Variants in POU2F1 observed in about 807,000 individuals in gnomAD.
POU2F1 encodes POU domain, class 2, transcription factor 1.
In POU2F1, 16 loss-of-function variants were observed where a neutral mutation model predicts 84.9. The observed-to-expected ratio is 0.19, with a 90% CI of 0.13 to 0.29. POU2F1 has a LOEUF of 0.29. Among genes scored for constraint, POU2F1 ranks in the 10% least tolerant of loss-of-function variants. The pLI, the probability that POU2F1 is intolerant of heterozygous loss-of-function variation, is 1.00. For synonymous variants in POU2F1, 368 were observed against 368.3 expected, an observed-to-expected ratio of 1.00 and a Z score of 0.01; for missense variants, 738 against 942.6, an observed-to-expected ratio of 0.78 and a Z score of 2.84.
intron 1 of POU2F1, among the ~76,000 whole-genome samples, chr1:167,253,915 C>T (rs373047337): frequency 1.2e-4 from 18 of 152,192 alleles, no homozygotes; most frequent in African/African-American, 3.6e-4. Context: ...TTTTCTAATA[C>T]AGGTAGGATA....
intron 2 of POU2F1, among the ~76,000 whole-genome samples, chr1:167,351,519 CAAA>C (rs34170498): frequency 6.5e-5 from 3 of 45,986 alleles, no homozygotes; most frequent in African/African-American, 2.1e-4. Flanking sequence ...AGCACCATCT[CAAA>C]AAAAAAAAAA....
intron 7 of POU2F1, among the ~76,000 whole-genome samples, chr1:167,377,189 G>C (rs1156739443): frequency 1.3e-5 from 2 of 152,222 alleles, no homozygotes; most frequent in Non-Finnish European, 2.9e-5. Context: ...TTTGAACCCA[G>C]AAAGATTAGC....
At chr1:167,254,307 G>T (rs1489725484) in intron 1 of POU2F1, among the ~76,000 whole-genome samples, 3 of 152,168 alleles carry the variant, frequency 2.0e-5, no homozygotes, top group Non-Finnish European at 4.4e-5. Context: ...TGTTACTAAT[G>T]TGCTTTAGCT....
intron 1 of POU2F1, among the ~76,000 whole-genome samples, chr1:167,319,220 G>A (rs1348790232): frequency 2.0e-5 from 3 of 152,170 alleles, no homozygotes; most frequent in Non-Finnish European, 4.4e-5. Context: ...TATCCAGATA[G>A]GCTGCTGGTT....
chr1:167,414,810 T>C, intron 15 of POU2F1: 1 of 811,078 alleles, frequency 1.2e-6, no homozygotes, highest in Non-Finnish European at 1.5e-6. Flanking sequence ...CCTTTTAACT[T>C]TATTTGGTGA....
intron 6 of POU2F1, 137 bp downstream of exon 6, chr1:167,374,433 G>A: frequency 2.7e-6 from 2 of 732,528 alleles, no homozygotes; most frequent in Non-Finnish European, 4.3e-6. Context: ...GAGGTAAGCG[G>A]TACCCTTCCT....
chr1:167,337,928 A>G lies in POU2F1; in HGVS notation c.127+5393A>G, dbSNP rs1391743211. 2.2e-5 allele frequency: 8 copies of G among 365,984 alleles called. No individual in the cohort carries two copies. The East Asian group carries it at 3.6e-4, about 17-fold the overall frequency. 22.7% of individuals were successfully genotyped at this position (365,984 alleles called of 1,614,324 possible). A position where few individuals can be genotyped will look rare whatever the true frequency, so the allele number is the denominator to read the frequency against. ...TCGGGTTTATGATCAGGACAGCCCT[A>G]TCTATATCCTATTAAAGACTGCTTT... On this transcript the variant is annotated intron_variant, in intron 2 of 15. Coordinates refer to ENST00000367866, the MANE Select transcript of POU2F1 (RefSeq NM_002697.4).
intron 7 of POU2F1, 149 bp downstream of exon 7, chr1:167,376,304 AGTTTT>A (rs1553217408): frequency 1.8e-6 from 2 of 1,083,882 alleles, no homozygotes; most frequent in East Asian, 3.1e-5. Flanking sequence ...GTTTAAAAAA[AGTTTT>A]GTTTTGTTTT....
chr1:167,323,849 C>G (rs1287161377), intron 1 of POU2F1, among the ~76,000 whole-genome samples: 1 of 152,090 alleles, frequency 6.6e-6, no homozygotes, highest in East Asian at 1.9e-4. Context: ...CATGCCATCA[C>G]GCCTAGCTAA....
At chr1:167,295,116 C>T (rs572336428) in intron 1 of POU2F1, among the ~76,000 whole-genome samples, 1 of 149,290 alleles carries the variant, frequency 6.7e-6, no homozygotes, top group Non-Finnish European at 1.5e-5. Flanking sequence ...AGCAAGACTC[C>T]ATCTCAAAAA....
chr1:167,321,936 T>C (rs528043628), intron 1 of POU2F1, among the ~76,000 whole-genome samples: 1 of 152,332 alleles, frequency 6.6e-6, no homozygotes, highest in South Asian at 2.1e-4. Flanking sequence ...ACAGAAGTTA[T>C]AACTGGTTGG....
rs1248397084 is a variant in POU2F1 at position 167,249,610 on chromosome 1, G to A, written c.61+28652G>A. On this transcript the variant is annotated intron_variant, in intron 1 of 15. Coordinates refer to ENST00000367866, the MANE Select transcript of POU2F1 (RefSeq NM_002697.4). The stretch of plus-strand genomic sequence containing the variant: ...GTAGAATTTAGAAGGAAGTGAAGAC[G>A]GGAGTGAATTGATGGTCTAGGGGAA... 2.0e-5 allele frequency among the ~76,000 whole-genome samples: 3 copies of A among 152,172 alleles called. 1 individual carries two copies. The highest frequency in any genetic ancestry group is 4.1e-4 in the South Asian group (2 of 4,826).
intron 1 of POU2F1, among the ~76,000 whole-genome samples, chr1:167,253,259 A>G (rs931931840): frequency 1.1e-4 from 17 of 152,052 alleles, no homozygotes; most frequent in Admixed American, 9.8e-4. Flanking sequence ...AAGAGTTTGT[A>G]CTTCAGGGTC....
At chr1:167,230,478 T>C (rs563652056) in intron 1 of POU2F1, among the ~76,000 whole-genome samples, 1 of 152,192 alleles carries the variant, frequency 6.6e-6, no homozygotes, top group Non-Finnish European at 1.5e-5. Flanking sequence ...AATTGGATAT[T>C]GGAGCAAGAA....
chr1:167,228,785 G>A (rs925737722), intron 1 of POU2F1, among the ~76,000 whole-genome samples: 6 of 152,016 alleles, frequency 3.9e-5, no homozygotes, highest in African/African-American at 1.5e-4. Flanking sequence ...TTTTATGTGG[G>A]CCACCTTACA....
chr1:167,327,874 C>G (rs1225086495), intron 1 of POU2F1, among the ~76,000 whole-genome samples: 1 of 152,068 alleles, frequency 6.6e-6, no homozygotes, highest in Non-Finnish European at 1.5e-5. Flanking sequence ...GTTCTCTGTG[C>G]CTCAGTTTCC....
chr1:167,323,820 G>A (rs918897443), intron 1 of POU2F1, among the ~76,000 whole-genome samples: 1 of 152,160 alleles, frequency 6.6e-6, no homozygotes, highest in African/African-American at 2.4e-5. Flanking sequence ...AGCCTACTGA[G>A]TAGTTGGGAC....
chr1:167,355,834 T>A (rs1235724353), intron 2 of POU2F1, among the ~76,000 whole-genome samples: 1 of 152,210 alleles, frequency 6.6e-6, no homozygotes, highest in Non-Finnish European at 1.5e-5. Context: ...ATTTTCTGCC[T>A]ATGGAACTTG....
chr1:167,254,497 C>T (rs1290423695), intron 1 of POU2F1, among the ~76,000 whole-genome samples: 2 of 152,142 alleles, frequency 1.3e-5, no homozygotes, highest in African/African-American at 4.8e-5. Context: ...TAATTCATGT[C>T]ATAGTCATGT....
Sources: gnomAD v4.1 joint callset for allele counts (sites outside exome capture counted in the v4.1 genomes callset) on GRCh38, gnomAD v4.1.1 for gene constraint, MANE v1.5 for transcripts, NCBI Gene and HGNC (gene_info 2026-07-23, HGNC 2026-07-21) for gene names.